The following GRAMD4 variants were observed in gnomAD, a reference collection of about 807,000 sequenced individuals.
GRAMD4 encodes GRAM domain containing 4.
In GRAMD4, 25 loss-of-function variants were observed where a neutral mutation model predicts 83.9. The ratio of observed to expected loss-of-function variants is 0.30; its 90% CI spans 0.22 to 0.42. The LOEUF (loss-of-function observed/expected upper bound fraction) is 0.42. Ranked by LOEUF, GRAMD4 falls within the 10% of genes least tolerant of loss-of-function variation. The probability of loss-of-function intolerance (pLI) is 1.00; values close to 1 mark genes in which losing one functional copy is unlikely to be tolerated. For synonymous variants in GRAMD4, 336 were observed against 320.9 expected (o/e 1.05, Z -0.50); for missense variants, 593 against 788.7 (o/e 0.75, Z 2.97).
chr22:46,641,414 AGG>A (rs2081974230), intron 3 of GRAMD4, among the ~76,000 whole-genome samples: 2 of 152,106 alleles, frequency 1.3e-5, no homozygotes, highest in Non-Finnish European at 2.9e-5. Context: ...GAAGGAAGGA[AGG>A]AAGGAAACAA....
At chr22:46,628,192 C>A (rs561491893) in intron 2 of GRAMD4, among the ~76,000 whole-genome samples, 2 of 152,296 alleles carry the variant, frequency 1.3e-5, no homozygotes, top group South Asian at 4.1e-4. Context: ...GGGGATTCCA[C>A]GCAAAGGCCA....
At chr22:46,645,858 G>C (rs2082064810) in intron 3 of GRAMD4, among the ~76,000 whole-genome samples, 1 of 152,214 alleles carries the variant, frequency 6.6e-6, no homozygotes, top group African/African-American at 2.4e-5. Flanking sequence ...GAGCGCGGTT[G>C]CCGTGCATGC....
intron 1 of GRAMD4, among the ~76,000 whole-genome samples, chr22:46,625,349 C>T (rs188854654): frequency 2.4e-4 from 36 of 152,294 alleles, no homozygotes; most frequent in African/African-American, 6.3e-4. Context: ...CTGAGGAGAG[C>T]GGAGGAGGCT....
intron 3 of GRAMD4, among the ~76,000 whole-genome samples, chr22:46,656,227 C>T (rs2147316094): frequency 6.6e-6 from 1 of 152,328 alleles, no homozygotes; most frequent in Middle Eastern, 3.4e-3. Context: ...TGGATCCTGG[C>T]CCTTGGTAAA....
chr22:46,672,734 G>C lies in GRAMD4; in HGVS notation c.1085-109G>C. The C allele has an allele frequency of 1.2e-6, 1 of 812,350 alleles. No individual in the cohort carries two copies. Among genetic ancestry groups the C allele is most frequent in the Non-Finnish European group, 2.0e-6 (1 of 495,274 alleles). The allele number at this position is 812,350 out of a possible 1,614,324, so 50.3% of individuals were successfully genotyped here. A position where few individuals can be genotyped will look rare whatever the true frequency, so the allele number is the denominator to read the frequency against. On this transcript the variant is annotated intron_variant, in intron 13 of 18. Coordinates refer to ENST00000406902, the MANE Select transcript of GRAMD4 (RefSeq NM_015124.5). The surrounding 1 kb of genome is among the most constrained non-coding windows in gnomAD (Gnocchi z 4.7). ...AGCTGGACTCTCACATCCAGGCTCA[G>C]GGTGGAGGGTGCCAATCTGGGAGGT...
chr22:46,629,569 C>T (rs1258279040), intron 2 of GRAMD4, among the ~76,000 whole-genome samples: 2 of 152,162 alleles, frequency 1.3e-5, no homozygotes, highest in Admixed American at 1.3e-4. Context: ...CTTCTTTACA[C>T]GGGCAGCCTC....
chr22:46,625,705 A>G (rs1176070080), intron 1 of GRAMD4, among the ~76,000 whole-genome samples: 4 of 152,188 alleles, frequency 2.6e-5, no homozygotes, highest in Non-Finnish European at 5.9e-5. Flanking sequence ...CAGGCCATGG[A>G]GCTGCGTGAT....
chr22:46,588,201 T>G (rs1883193), intron 1 of GRAMD4, among the ~76,000 whole-genome samples: 83,439 of 151,470 alleles, frequency 0.55, 24,490 homozygotes, highest in African/African-American at 0.76. Context: ...CCCATCTGCT[T>G]TGAGAACCTA....
chr22:46,644,950 A>G (rs954986633), intron 3 of GRAMD4, among the ~76,000 whole-genome samples: 1 of 107,272 alleles, frequency 9.3e-6, no homozygotes, highest in African/African-American at 3.7e-5. Context: ...GGGCTTCACC[A>G]TGTTGCCCAG....
At chr22:46,637,985 G>C in intron 3 of GRAMD4, 25 bp downstream of exon 3, 1 of 1,610,804 alleles carries the variant, frequency 6.2e-7, no homozygotes, top group Non-Finnish European at 8.5e-7. Flanking sequence ...GCGCTTGGAG[G>C]GGATGGGACA....
At chr22:46,595,866 C>T (rs1602310217) in intron 1 of GRAMD4, among the ~76,000 whole-genome samples, 2 of 152,240 alleles carry the variant, frequency 1.3e-5, no homozygotes, top group African/African-American at 4.8e-5. Flanking sequence ...AGTGCTGTTT[C>T]TGTACCCTGG....
At chr22:46,650,362 T>A (rs1191443924) in intron 3 of GRAMD4, among the ~76,000 whole-genome samples, 1 of 127,906 alleles carries the variant, frequency 7.8e-6, no homozygotes, top group African/African-American at 3.3e-5. Context: ...GGGCTGCGTG[T>A]CGAGGCTGGG....
chr22:46,638,522 G>A (rs539984470), intron 3 of GRAMD4, among the ~76,000 whole-genome samples: 147 of 152,314 alleles, frequency 9.7e-4, no homozygotes, highest in African/African-American at 3.5e-3. Context: ...GGAGGGGCTC[G>A]CAGGCTTGGC....
chr22:46,617,912 C>T (rs1008158395), upstream of GRAMD4, among the ~76,000 whole-genome samples: 3 of 152,228 alleles, frequency 2.0e-5, no homozygotes, highest in African/African-American at 2.4e-5. Context: ...AGAAACATCC[C>T]AGATCACTGA....
At chr22:46,613,302 G>A (rs1490164250) in intron 1 of GRAMD4, among the ~76,000 whole-genome samples, 4 of 152,186 alleles carry the variant, frequency 2.6e-5, no homozygotes, top group Non-Finnish European at 4.4e-5. Context: ...CGGCTGCCGC[G>A]ACCCACTGCA....
rs138546494 is a variant in GRAMD4 at position 46,659,780 on chromosome 22, C to G, written c.404+1473C>G. ...GAGGGAGAGGCCTCACTTTCCTATT[C>G]CGCCCTGGCAGAACCTCCCAGACCA... On this transcript the variant is annotated intron_variant, in intron 4 of 18. Transcript: ENST00000406902. The surrounding 1 kb of genome is among the most constrained non-coding windows in gnomAD (Gnocchi z 4.1). 1.6e-3 allele frequency among the ~76,000 whole-genome samples: 238 copies of G among 152,318 alleles called. No homozygotes were observed. The highest frequency in any genetic ancestry group is 2.8e-3 in the Non-Finnish European group (189 of 68,026).
At chr22:46,605,984 A>AT (rs2081362587) in intron 1 of GRAMD4, among the ~76,000 whole-genome samples, 5 of 32,762 alleles carry the variant, frequency 1.5e-4, no homozygotes, top group South Asian at 1.7e-3. Flanking sequence ...GCATGGGCTT[A>AT]TGGCTGGTGC....
intron 1 of GRAMD4, among the ~76,000 whole-genome samples, chr22:46,599,976 G>A (rs538787090): frequency 6.6e-5 from 10 of 152,298 alleles, no homozygotes; most frequent in East Asian, 1.9e-4. Context: ...ACTGTCTGTC[G>A]AGTGGCTGAC....
Position 46,679,229 on chromosome 22 carries a change from C to T in GRAMD4, c.*1978C>T. The T allele has an allele frequency of 1.0e-6, 1 of 985,544 alleles. No individual in the cohort carries two copies. Among genetic ancestry groups the T allele is most frequent in the Non-Finnish European group, 1.2e-6 (1 of 830,002 alleles). 61.0% of individuals were successfully genotyped at this position (985,544 alleles called of 1,614,324 possible). A position where few individuals can be genotyped will look rare whatever the true frequency, so the allele number is the denominator to read the frequency against. On this transcript the variant is annotated 3_prime_UTR_variant, in exon 19 of 19. Transcript: ENST00000406902. ...TCTTCCTAGGTGCTGGGATTCAGTC[C>T]CCAAACACAGCGGGAGGGGTCCCTG...
Sources: allele counts gnomAD v4.1 joint callset (sites outside exome capture counted in the v4.1 genomes callset), GRCh38; gene constraint gnomAD v4.1.1; non-coding constraint Gnocchi (gnomAD v3.1); transcripts MANE v1.5; gene names NCBI Gene and HGNC (gene_info 2026-07-23, HGNC 2026-07-21).